ERN1: variants seen among roughly 807,000 people sequenced by gnomAD.
ERN1 encodes the protein endoplasmic reticulum to nucleus signaling 1, also known as serine/threonine-protein kinase/endoribonuclease IRE1.
Under a neutral mutation model 113.1 loss-of-function variants are expected in ERN1, and 39 were observed. That is an observed-to-expected ratio of 0.34 (90% CI 0.27 to 0.45). The LOEUF (loss-of-function observed/expected upper bound fraction) is 0.45. Ranked by LOEUF, ERN1 falls within the 20% of genes least tolerant of loss-of-function variation. The pLI, the probability that ERN1 is intolerant of heterozygous loss-of-function variation, is 1.00. For missense variants in ERN1, 976 were observed against 1,274.8 expected, an observed-to-expected ratio of 0.77 and a Z score of 3.57; for synonymous variants, 507 against 515.9, an observed-to-expected ratio of 0.98 and a Z score of 0.23.
Position 64,055,764 on chromosome 17 carries a change from G to C in ERN1, c.1583C>G (p.Thr528Arg). ...SESSGTSSPS[T>R]SPRASNHSLC... ...CGAGTGGTTGGAGGCCCTGGGGGAC[G>C]TGCTGGGGCTGCTGGTGCCCGAGCT... The change falls in exon 13 of 22, where the codon ACG becomes AGG. Residue 528 changes from threonine (T) to arginine (R), a missense_variant. Thr to Arg is a moderately conservative substitution (Grantham distance 71). Coordinates refer to ENST00000433197, the MANE Select transcript of ERN1 (RefSeq NM_001433.5). 1 of 1,609,358 alleles carries C rather than the reference G, an allele frequency of 6.2e-7. No homozygotes were observed. Among genetic ancestry groups the C allele is most frequent in the Non-Finnish European group, 8.5e-7 (1 of 1,178,310 alleles).
chr17:64,125,720 C>T (rs1598095105), intron 1 of ERN1, among the ~76,000 whole-genome samples: 1 of 152,164 alleles, frequency 6.6e-6, no homozygotes, highest in East Asian at 1.9e-4. Flanking sequence ...AACGCCTGAC[C>T]TCAAGTGATT....
intron 4 of ERN1, among the ~76,000 whole-genome samples, chr17:64,077,813 T>G (rs1267565773): frequency 6.6e-6 from 1 of 151,800 alleles, no homozygotes; most frequent in Non-Finnish European, 1.5e-5. Flanking sequence ...TGGCGTGATC[T>G]CAGCTCACTG....
intron 2 of ERN1, among the ~76,000 whole-genome samples, chr17:64,081,258 G>A (rs1222932962): frequency 6.6e-5 from 10 of 152,186 alleles, no homozygotes; most frequent in Non-Finnish European, 1.2e-4. Flanking sequence ...ATGGGTTTAA[G>A]AACTAACTTT....
chr17:64,108,816 G>A (rs1914597904), intron 1 of ERN1, among the ~76,000 whole-genome samples: 1 of 152,132 alleles, frequency 6.6e-6, no homozygotes, highest in Admixed American at 6.5e-5. Flanking sequence ...CTCATATGCA[G>A]TTAAACCTAC....
intron 6 of ERN1, 103 bp downstream of exon 6, chr17:64,071,878 G>T: frequency 7.8e-7 from 1 of 1,288,198 alleles, no homozygotes; most frequent in Non-Finnish European, 1.1e-6. Flanking sequence ...ACCTGTGTTT[G>T]GAAAAAAGCA....
intron 1 of ERN1, chr17:64,129,043 C>T (rs1191353996): frequency 2.0e-5 from 3 of 152,030 alleles, no homozygotes; most frequent in Admixed American, 2.0e-4. Flanking sequence ...TTGCCACGCT[C>T]ACATCCTGAA....
Position 64,057,974 on chromosome 17 carries a change from T to C in ERN1, c.1226A>G (p.Gln409Arg), listed in dbSNP as rs1041495213. The change falls in exon 12 of 22, where the codon CAG becomes CGG. Residue 409 changes from glutamine (Q) to arginine (R), a missense_variant. Physicochemically the swap from Gln to Arg is conservative, Grantham distance 43. Coordinates refer to ENST00000433197, the MANE Select transcript of ERN1 (RefSeq NM_001433.5). Reference sequence around the variant, plus strand: ...GGTGGTAGGTGCGTTTTCTGAAGTCTGGTCAACCAGGTTGATAACCTTGCA... The same window carrying C: ...GGTGGTAGGTGCGTTTTCTGAAGTCCGGTCAACCAGGTTGATAACCTTGCA... ...SFEEVINLVD[Q>R]TSENAPTTVS... 28 of 1,580,552 alleles carry C rather than the reference T, an allele frequency of 1.8e-5. No individual in the cohort carries two copies. The highest frequency in any genetic ancestry group is 2.1e-5 in the Non-Finnish European group (24 of 1,163,378).
At chr17:64,124,805 T>C (rs1341197124) in intron 1 of ERN1, among the ~76,000 whole-genome samples, 2 of 152,228 alleles carry the variant, frequency 1.3e-5, no homozygotes, top group Admixed American at 6.5e-5. Flanking sequence ...AACAAAGTAC[T>C]GACACATGTT....
chr17:64,072,238 A>G, intron 5 of ERN1, 135 bp from the exon 6 acceptor site: 1 of 874,590 alleles, frequency 1.1e-6, no homozygotes, highest in Admixed American at 2.6e-5. Context: ...AGGTGATGAT[A>G]TAAATGGTAA....
chr17:64,064,695 G>A (rs1170255142), intron 9 of ERN1, among the ~76,000 whole-genome samples: 3 of 152,242 alleles, frequency 2.0e-5, no homozygotes, highest in African/African-American at 4.8e-5. Context: ...CAGAATGCTT[G>A]AGGCAGGCTT....
intron 13 of ERN1, among the ~76,000 whole-genome samples, chr17:64,055,230 G>A (rs757783953): frequency 6.6e-6 from 1 of 152,218 alleles, no homozygotes; most frequent in Non-Finnish European, 1.5e-5. Context: ...CATGTAAAAC[G>A]AGGAGACTCC....
rs541102253 is a variant in ERN1 at position 64,055,860 on chromosome 17, A to AGCTGCTGCT, written c.1478_1486dup (p.Gln493_Gln495dup). The AGCTGCTGCT allele has an allele frequency of 1.4e-5, 21 of 1,550,762 alleles. No homozygotes were observed. In the African/African-American group the frequency reaches 1.8e-4, roughly 13 times the overall value. The stretch of plus-strand genomic sequence containing the variant: ...CGTGTCTCCAGGTGGGTGGAAGGGC[A>AGCTGCTGCT]GCTGCTGCTGCTGCTGCTGCAGGAG... On this transcript the variant is annotated inframe_insertion, in exon 13 of 22. Coordinates refer to ENST00000433197, the MANE Select transcript of ERN1 (RefSeq NM_001433.5).
chr17:64,075,341 T>C, intron 4 of ERN1, 94 bp from the exon 5 acceptor site: 1 of 1,100,666 alleles, frequency 9.1e-7, no homozygotes, highest in East Asian at 2.8e-5. Flanking sequence ...TACCTAATTC[T>C]GCTAAAAAGA....
At chr17:64,097,988 C>T (rs1914274963) in intron 2 of ERN1, 133 bp downstream of exon 2, 1 of 1,217,370 alleles carries the variant, frequency 8.2e-7, no homozygotes, top group Admixed American at 2.3e-5. Context: ...CTTTTCCTCT[C>T]TTGATCCCAT....
At chr17:64,070,266 T>C (rs1913368479) in intron 6 of ERN1, among the ~76,000 whole-genome samples, 1 of 152,182 alleles carries the variant, frequency 6.6e-6, no homozygotes, top group African/African-American at 2.4e-5. Flanking sequence ...TGGGTTCTTG[T>C]TGAGTCCTTC....
chr17:64,047,840 G>C lies in ERN1; in HGVS notation c.2529+18C>G, dbSNP rs1912557935. 6.4e-7 allele frequency: 1 copy of C among 1,563,500 alleles called. No homozygotes were observed. The highest frequency in any genetic ancestry group is 1.4e-5 in the African/African-American group (1 of 73,114). On this transcript the variant is annotated intron_variant, in intron 19 of 21. Transcript: ENST00000433197. ...ACATTAAATGAAGACTCTGGATAAAGAGAACAGACGTCTCTACCTGGAAGA... is the reference window on the plus strand; with the variant it reads ...ACATTAAATGAAGACTCTGGATAAACAGAACAGACGTCTCTACCTGGAAGA...
At chr17:64,107,922 T>C (rs565629969) in intron 1 of ERN1, among the ~76,000 whole-genome samples, 1 of 152,320 alleles carries the variant, frequency 6.6e-6, no homozygotes, top group South Asian at 2.1e-4. Flanking sequence ...CCATCAACCA[T>C]ACAGTTCCTT....
chr17:64,076,632 C>T (rs1358075437), intron 4 of ERN1, among the ~76,000 whole-genome samples: 7 of 149,208 alleles, frequency 4.7e-5, no homozygotes, highest in Admixed American at 4.7e-4. Context: ...GACGGAGTCT[C>T]ACTCTCACCC....
chr17:64,060,442 C>G (rs990964823), intron 11 of ERN1, 27 bp downstream of exon 11: 4 of 1,468,112 alleles, frequency 2.7e-6, no homozygotes, highest in East Asian at 2.3e-5. Flanking sequence ...ACACCAACAA[C>G]CCCCGACTGG....
Sources: allele counts gnomAD v4.1 joint callset (sites outside exome capture counted in the v4.1 genomes callset), GRCh38; gene constraint gnomAD v4.1.1; transcripts MANE v1.5; gene names NCBI Gene and HGNC (gene_info 2026-07-23, HGNC 2026-07-21).